The following RANGAP1 variants were observed in gnomAD, a reference collection of about 807,000 sequenced individuals.
RANGAP1 encodes ran GTPase-activating protein 1.
RANGAP1 carries 38 observed loss-of-function variants against 63.5 expected under a neutral mutation model. That is an observed-to-expected ratio of 0.60 (90% CI 0.46 to 0.78). The LOEUF (loss-of-function observed/expected upper bound fraction) is 0.78, where lower values mean the gene tolerates loss of function less well. Ranked by LOEUF, RANGAP1 falls within the 30% of genes least tolerant of loss-of-function variation. RANGAP1 has a pLI of 0.00. For missense variants in RANGAP1, 630 were observed against 740.3 expected (o/e 0.85, Z 1.73); for synonymous variants, 329 against 310.5 (o/e 1.06, Z -0.63).
chr22:41,275,885 G>A (rs1052248308), intron 2 of RANGAP1, among the ~76,000 whole-genome samples: 9 of 152,208 alleles, frequency 5.9e-5, no homozygotes, highest in East Asian at 3.9e-4. Context: ...AGTTGAGGCT[G>A]CAATGAGCCA....
chr22:41,265,622 A>G (rs570897151), intron 4 of RANGAP1, among the ~76,000 whole-genome samples: 1 of 152,336 alleles, frequency 6.6e-6, no homozygotes. Flanking sequence ...AGCCACGGCC[A>G]GGATCAGCTT....
At chr22:41,279,598 C>T (rs868096547) in intron 2 of RANGAP1, among the ~76,000 whole-genome samples, 1 of 151,170 alleles carries the variant, frequency 6.6e-6, no homozygotes, top group African/African-American at 2.4e-5. Flanking sequence ...GCTGAGATTG[C>T]ACCACCACAC....
chr22:41,289,934 C>A (rs2035818606), upstream of RANGAP1, among the ~76,000 whole-genome samples: 1 of 152,058 alleles, frequency 6.6e-6, no homozygotes, highest in Non-Finnish European at 1.5e-5. Context: ...ATTGCTAAAG[C>A]CCAGGATTTG....
In RANGAP1 at chr22:41,246,196, G is replaced by A. The variant is rs767739376; in HGVS notation, c.*407C>T. 2.0e-5 allele frequency: 4 copies of A among 204,012 alleles called. No homozygotes were observed. The highest frequency in any genetic ancestry group is 4.0e-5 in the Non-Finnish European group (4 of 98,938). The allele number at this position is 204,012 out of a possible 1,614,324, so 12.6% of individuals were successfully genotyped here. ...ACAACACAGAGGGGAAGGACAGCAC[G>A]CGGGCAACTCCCTGGGTTCTGGCTC... On this transcript the variant is annotated 3_prime_UTR_variant, in exon 16 of 16. Coordinates refer to ENST00000356244, the MANE Select transcript of RANGAP1 (RefSeq NM_002883.4).
At chr22:41,258,345 T>A (rs1263676637) in intron 6 of RANGAP1, among the ~76,000 whole-genome samples, 1 of 152,202 alleles carries the variant, frequency 6.6e-6, no homozygotes, top group East Asian at 1.9e-4. Context: ...AGAGGCGAAG[T>A]GACTTGCCCA....
the RANGAP1 span, among the ~76,000 whole-genome samples, chr22:41,302,071 CG>C: frequency 6.6e-6 from 1 of 152,244 alleles, no homozygotes; most frequent in Non-Finnish European, 1.5e-5. This position sits in a 1 kb window ranked among gnomAD's most constrained non-coding sequence, Gnocchi z 5.7. Context: ...GAGACTTGGC[CG>C]CCCCTGCAGC....
chr22:41,292,534 G>A, the RANGAP1 span, among the ~76,000 whole-genome samples: 1 of 152,008 alleles, frequency 6.6e-6, no homozygotes, highest in East Asian at 1.9e-4. Context: ...GCCGAGGTGG[G>A]TGGATCACGA....
intron 3 of RANGAP1, among the ~76,000 whole-genome samples, chr22:41,268,997 A>G (rs1294611782): frequency 3.9e-5 from 6 of 152,232 alleles, no homozygotes; most frequent in Non-Finnish European, 8.8e-5. Flanking sequence ...ATAATTCAGT[A>G]ACACTATTTT....
the RANGAP1 span, among the ~76,000 whole-genome samples, chr22:41,293,631 T>C: frequency 1.3e-5 from 2 of 150,864 alleles, no homozygotes; most frequent in Admixed American, 1.3e-4. Flanking sequence ...ACAAAAAAAT[T>C]AGTTGAATGT....
At chr22:41,264,455 C>T (rs922963446) in intron 5 of RANGAP1, among the ~76,000 whole-genome samples, 3 of 152,246 alleles carry the variant, frequency 2.0e-5, no homozygotes, top group East Asian at 3.8e-4. Context: ...CGTTGCCAAG[C>T]CAACCCAAGA....
chr22:41,277,472 T>TA (rs2035223801), intron 2 of RANGAP1: 1 of 1,197,002 alleles, frequency 8.4e-7, no homozygotes. Flanking sequence ...AACCAAAACT[T>TA]ACATGAAACA....
intron 13 of RANGAP1, 30 bp from the exon 14 acceptor site, chr22:41,249,847 G>C: frequency 6.3e-7 from 1 of 1,590,458 alleles, no homozygotes. Context: ...GGGGCAGGCT[G>C]CTGGCTATGG....
At chr22:41,262,649 T>C (rs2034241194) in intron 5 of RANGAP1, among the ~76,000 whole-genome samples, 1 of 152,224 alleles carries the variant, frequency 6.6e-6, no homozygotes, top group African/African-American at 2.4e-5. Flanking sequence ...GTGGTGATGG[T>C]GGATCACGCA....
intron 2 of RANGAP1, chr22:41,280,730 C>G: frequency 6.6e-7 from 1 of 1,511,790 alleles, no homozygotes; most frequent in Non-Finnish European, 8.8e-7. Flanking sequence ...ATGCCCAATA[C>G]AAACATGGAA....
At chr22:41,264,196 G>A (rs1414542984) in intron 5 of RANGAP1, among the ~76,000 whole-genome samples, 1 of 152,186 alleles carries the variant, frequency 6.6e-6, no homozygotes, top group East Asian at 1.9e-4. Context: ...ACTCTACACT[G>A]ACCAGCCCAA....
At chr22:41,299,481 C>T in the RANGAP1 span, among the ~76,000 whole-genome samples, 5 of 152,126 alleles carry the variant, frequency 3.3e-5, no homozygotes, top group South Asian at 2.1e-4. Context: ...GTTAGCCGTG[C>T]TGGTCTCGAA....
intron 5 of RANGAP1, among the ~76,000 whole-genome samples, chr22:41,262,827 G>T (rs924722546): frequency 6.6e-6 from 1 of 152,144 alleles, no homozygotes; most frequent in African/African-American, 2.4e-5. Flanking sequence ...GTCCAACTTG[G>T]GTATGGAGAG....
At chr22:41,277,493 T>C (rs753997557) in intron 2 of RANGAP1, 2 of 1,197,272 alleles carry the variant, frequency 1.7e-6, no homozygotes, top group East Asian at 5.7e-5. Flanking sequence ...AAAAGTTGAG[T>C]CTGGCTGGTA....
At chr22:41,278,280 C>A (rs1012312910) in intron 2 of RANGAP1, among the ~76,000 whole-genome samples, 4 of 152,142 alleles carry the variant, frequency 2.6e-5, no homozygotes, top group African/African-American at 9.7e-5. Context: ...CTCAGGTGAT[C>A]TGCCCACCTC....
Sources: gnomAD v4.1 joint callset for allele counts (sites outside exome capture counted in the v4.1 genomes callset) on GRCh38, gnomAD v4.1.1 for gene constraint, Gnocchi (gnomAD v3.1) non-coding constraint, MANE v1.5 for transcripts, NCBI Gene and HGNC (gene_info 2026-07-23, HGNC 2026-07-21) for gene names.